MTHFSD: variants seen among roughly 807,000 people sequenced by gnomAD.
MTHFSD encodes methenyltetrahydrofolate synthase domain-containing protein.
A neutral mutation model predicts 31.1 loss-of-function variants in MTHFSD; 37 were observed. The ratio of observed to expected loss-of-function variants is 1.19; its 90% CI spans 0.91 to 1.56. MTHFSD has a LOEUF of 1.56. Among genes scored for constraint, MTHFSD ranks in the 40% most tolerant of loss-of-function variants. The pLI, the probability that MTHFSD is intolerant of heterozygous loss-of-function variation, is 0.00. For synonymous variants in MTHFSD, 221 were observed against 206.9 expected (o/e 1.07, Z -0.59); for missense variants, 664 against 510.1 (o/e 1.30, Z -2.91).
At chr16:86,552,390 C>A (rs1233092653) in intron 2 of MTHFSD, 2 of 1,007,096 alleles carry the variant, frequency 2.0e-6, no homozygotes, top group East Asian at 5.3e-5. Context: ...CAGACAGGCA[C>A]TAACAGTCAC....
intron 3 of MTHFSD, 107 bp from the exon 4 acceptor site, chr16:86,548,684 G>T (rs1009633622): frequency 2.3e-6 from 2 of 856,264 alleles, no homozygotes; most frequent in Admixed American, 6.4e-5. Context: ...ACTATTATCC[G>T]CATGGTTTTT....
At chr16:86,532,819 G>C (rs1334020160) in intron 7 of MTHFSD, 1 of 195,302 alleles carries the variant, frequency 5.1e-6, no homozygotes, top group African/African-American at 2.3e-5. Flanking sequence ...CTCTGCTCAG[G>C]CCTCCTACCC....
At chr16:86,549,275 A>C (rs997919355) in intron 3 of MTHFSD, among the ~76,000 whole-genome samples, 1 of 152,268 alleles carries the variant, frequency 6.6e-6, no homozygotes, top group Non-Finnish European at 1.5e-5. Context: ...GATGCACACG[A>C]AAGTTTGAAA....
At chr16:86,536,392 C>G (rs1251887326) in intron 7 of MTHFSD, among the ~76,000 whole-genome samples, 1 of 152,204 alleles carries the variant, frequency 6.6e-6, no homozygotes, top group East Asian at 1.9e-4. Context: ...CCTCTGCTGG[C>G]TCTCTAAGGG....
At chr16:86,549,997 C>A (rs976301077) in intron 3 of MTHFSD, among the ~76,000 whole-genome samples, 2 of 152,222 alleles carry the variant, frequency 1.3e-5, no homozygotes, top group African/African-American at 4.8e-5. Flanking sequence ...ACTGTCCGGT[C>A]AGACACTGGC....
In MTHFSD at chr16:86,535,388, C is replaced by T. The variant is rs149588907; in HGVS notation, c.682-2907G>A. ...GCTGGATGACCACGCCGATCCCTGC[C>T]ACAGCTGACAAGAAAGCCTCCTGTG... On this transcript the variant is annotated intron_variant, in intron 7 of 7. Transcript: ENST00000360900. 1.9e-3 allele frequency: 1,825 copies of T among 985,354 alleles called. 23 individuals are homozygous for T. The African/African-American group carries it at 0.026, about 14-fold the overall frequency. The allele number at this position is 985,354 out of a possible 1,614,324, so 61.0% of individuals were successfully genotyped here. A position where few individuals can be genotyped will look rare whatever the true frequency, so the allele number is the denominator to read the frequency against.
chr16:86,538,588 G>A (rs538402801), intron 7 of MTHFSD, among the ~76,000 whole-genome samples: 11 of 152,346 alleles, frequency 7.2e-5, no homozygotes, highest in East Asian at 5.8e-4. Context: ...GGTTTGCTAC[G>A]GCACAGAGCT....
intron 7 of MTHFSD, among the ~76,000 whole-genome samples, chr16:86,537,193 G>C (rs1043153329): frequency 6.6e-6 from 1 of 152,146 alleles, no homozygotes; most frequent in Non-Finnish European, 1.5e-5. Flanking sequence ...GAAGAAGGTA[G>C]AAACGTTTGA....
chr16:86,532,370 G>T lies in MTHFSD; in HGVS notation c.793C>A (p.Pro265Thr). The T allele has an allele frequency of 6.3e-7, 1 of 1,578,612 alleles. No homozygotes were observed. Among genetic ancestry groups the T allele is most frequent in the South Asian group, 1.2e-5 (1 of 85,868 alleles). Residue 265 changes from proline (P) to threonine (T), a missense_variant, in exon 8 of 8, where the codon CCA becomes ACA. Pro to Thr is a conservative substitution (Grantham distance 38). Coordinates refer to ENST00000360900, the MANE Select transcript of MTHFSD (RefSeq NM_001159377.2). ...AGGGGCACTGTCTGCTGGCAGCCTG[G>T]TTCCGGAAGGTGCTGGTGCTCACCC... ...LQGEHQHLPE[P>T]GCQQTVPLSV...
chr16:86,540,359 G>C (rs555751429), intron 7 of MTHFSD, among the ~76,000 whole-genome samples: 57 of 152,312 alleles, frequency 3.7e-4, no homozygotes, highest in Non-Finnish European at 6.6e-4. Flanking sequence ...AACCCTGGCT[G>C]AGTTTGGTTT....
chr16:86,535,505 A>T (rs779910764), intron 7 of MTHFSD: 70 of 985,318 alleles, frequency 7.1e-5, no homozygotes, highest in Non-Finnish European at 8.0e-5. Flanking sequence ...TAGTTGTTAC[A>T]TTCTGTCAAT....
At chr16:86,549,506 G>A (rs1483565388) in intron 3 of MTHFSD, among the ~76,000 whole-genome samples, 3 of 152,204 alleles carry the variant, frequency 2.0e-5, no homozygotes, top group Admixed American at 6.5e-5. Context: ...CTGTGACTGC[G>A]GCCTGCTGCT....
At chr16:86,535,933 C>T (rs1424808503) in intron 7 of MTHFSD, among the ~76,000 whole-genome samples, 2 of 152,178 alleles carry the variant, frequency 1.3e-5, no homozygotes, top group Non-Finnish European at 2.9e-5. Context: ...TCACTGCAGC[C>T]TTGAATACCC....
chr16:86,544,171 T>G (rs1318075587), intron 5 of MTHFSD, among the ~76,000 whole-genome samples: 1 of 151,430 alleles, frequency 6.6e-6, no homozygotes, highest in Non-Finnish European at 1.5e-5. Context: ...AACCGTCCCC[T>G]CCCTGGTCCA....
At position 86,531,157 on chromosome 16, in the gene MTHFSD, G is replaced by T. The variant is rs1241722618; in HGVS notation, c.*854C>A. The stretch of plus-strand genomic sequence containing the variant: ...AAATCTCCACTTAAAAGCTTATTTT[G>T]ACTTGTTGCCCGGGATCAATTGCAA... On this transcript the variant is annotated 3_prime_UTR_variant, in exon 8 of 8. Coordinates refer to ENST00000360900, the MANE Select transcript of MTHFSD (RefSeq NM_001159377.2). The surrounding 1 kb of genome is among the most constrained non-coding windows in gnomAD (Gnocchi z 5.5). 1 of 152,182 alleles carries T rather than the reference G, an allele frequency of 6.6e-6. No individual in the cohort carries two copies. The highest frequency in any genetic ancestry group is 1.5e-5 in the Non-Finnish European group (1 of 68,026). The allele number at this position is 152,182 out of a possible 1,614,324, so 9.4% of individuals were successfully genotyped here.
At chr16:86,554,290 C>T (rs1424108902) in intron 2 of MTHFSD, among the ~76,000 whole-genome samples, 1 of 152,226 alleles carries the variant, frequency 6.6e-6, no homozygotes, top group African/African-American at 2.4e-5. Flanking sequence ...ACTCTGAACA[C>T]ATCCAAACAT....
chr16:86,554,277 G>A (rs922450320), intron 2 of MTHFSD, among the ~76,000 whole-genome samples: 2 of 152,224 alleles, frequency 1.3e-5, no homozygotes, highest in Non-Finnish European at 2.9e-5. Flanking sequence ...CCAGAAGGAA[G>A]AAACTCTGAA....
intron 2 of MTHFSD, among the ~76,000 whole-genome samples, chr16:86,553,930 T>C (rs1364217786): frequency 6.6e-6 from 1 of 152,178 alleles, no homozygotes; most frequent in Admixed American, 6.5e-5. Context: ...GGGCACTCTG[T>C]ATGTAGCTAA....
chr16:86,555,059 G>C, intron 1 of MTHFSD, 110 bp downstream of exon 1: 4 of 1,478,456 alleles, frequency 2.7e-6, no homozygotes, highest in Non-Finnish European at 3.6e-6. Flanking sequence ...GCCGCTTCCG[G>C]TGATTCTGCC....
Sources: allele counts gnomAD v4.1 joint callset (sites outside exome capture counted in the v4.1 genomes callset), GRCh38; gene constraint gnomAD v4.1.1; non-coding constraint Gnocchi (gnomAD v3.1); transcripts MANE v1.5; gene names NCBI Gene and HGNC (gene_info 2026-07-23, HGNC 2026-07-21).